The following MRTFB variants were observed in gnomAD, a reference collection of about 807,000 sequenced individuals.
MRTFB encodes the protein myocardin related transcription factor B, also known as myocardin-related transcription factor B.
In MRTFB, 29 loss-of-function variants were observed where a neutral mutation model predicts 104.2. The ratio of observed to expected loss-of-function variants is 0.28; its 90% CI spans 0.21 to 0.38. The LOEUF is 0.38. Among genes scored for constraint, MRTFB ranks in the 10% least tolerant of loss-of-function variants. MRTFB has a pLI of 1.00. For missense variants in MRTFB, 1,270 were observed against 1,341.6 expected (o/e 0.95, Z 0.83); for synonymous variants, 535 against 519.5 (o/e 1.03, Z -0.41).
chr16:14,161,970 A>G (rs944278120), intron 3 of MRTFB, among the ~76,000 whole-genome samples: 1 of 152,068 alleles, frequency 6.6e-6, no homozygotes, highest in African/African-American at 2.4e-5. Flanking sequence ...GGGTGTCAGA[A>G]TTACACTTCT....
chr16:14,201,707 T>C (rs957730758), intron 3 of MRTFB, among the ~76,000 whole-genome samples: 2 of 152,208 alleles, frequency 1.3e-5, no homozygotes, highest in Admixed American at 6.5e-5. Flanking sequence ...GACCTTGAGC[T>C]AATAGAGCTT....
intron 15 of MRTFB, among the ~76,000 whole-genome samples, chr16:14,253,148 A>G (rs975607440): frequency 7.9e-5 from 12 of 152,170 alleles, no homozygotes; most frequent in Admixed American, 1.3e-4. Flanking sequence ...TAGGGTTCCT[A>G]TTTGTAAAAG....
At chr16:14,137,501 C>A (rs2037780818) in intron 2 of MRTFB, among the ~76,000 whole-genome samples, 1 of 152,016 alleles carries the variant, frequency 6.6e-6, no homozygotes, top group South Asian at 2.1e-4. Flanking sequence ...GTACATCTTT[C>A]AATTATAAGG....
upstream of MRTFB, among the ~76,000 whole-genome samples, chr16:14,070,233 C>G (rs1423571781): frequency 6.6e-6 from 1 of 152,150 alleles, no homozygotes; most frequent in African/African-American, 2.4e-5. Flanking sequence ...GTGCTGGGCT[C>G]CGGACTCAGA....
chr16:14,010,082 G>A, the MRTFB span, among the ~76,000 whole-genome samples: 1 of 152,130 alleles, frequency 6.6e-6, no homozygotes, highest in Admixed American at 6.5e-5. Context: ...TGGGGAGAAG[G>A]TAGAACAGCA....
chr16:13,995,682 G>A, the MRTFB span, among the ~76,000 whole-genome samples: 14 of 152,258 alleles, frequency 9.2e-5, no homozygotes, highest in African/African-American at 3.1e-4. Context: ...GGAGGCCTCA[G>A]GAAACTTACA....
At chr16:14,068,058 C>A (rs2033540745), upstream of MRTFB, among the ~76,000 whole-genome samples, 1 of 152,144 alleles carries the variant, frequency 6.6e-6, no homozygotes, top group Admixed American at 6.5e-5. Context: ...TGTCGAACTT[C>A]TGTCCCCAGG....
At chr16:14,138,234 AATG>A (rs1480950075) in intron 2 of MRTFB, among the ~76,000 whole-genome samples, 8 of 152,106 alleles carry the variant, frequency 5.3e-5, no homozygotes, top group Non-Finnish European at 2.9e-5. Context: ...TTTTACTTTG[AATG>A]ATGATAATGT....
At chr16:14,069,819 A>C (rs987077186), upstream of MRTFB, among the ~76,000 whole-genome samples, 1 of 152,182 alleles carries the variant, frequency 6.6e-6, no homozygotes, top group African/African-American at 2.4e-5. Context: ...GTTTCTCTGG[A>C]GAACCCTAAT....
chr16:14,203,949 T>C (rs1347995028), intron 3 of MRTFB, among the ~76,000 whole-genome samples: 4 of 151,716 alleles, frequency 2.6e-5, no homozygotes, highest in Non-Finnish European at 5.9e-5. Context: ...ATTTTAAAGG[T>C]TTTGTTTTGT....
At chr16:14,013,936 C>T in the MRTFB span, among the ~76,000 whole-genome samples, 8 of 152,222 alleles carry the variant, frequency 5.3e-5, no homozygotes, top group African/African-American at 1.7e-4. Context: ...GCACCTCCCA[C>T]GCCTGAACAA....
the MRTFB span, among the ~76,000 whole-genome samples, chr16:14,043,288 T>C: frequency 6.6e-6 from 1 of 152,206 alleles, no homozygotes; most frequent in Non-Finnish European, 1.5e-5. Flanking sequence ...CCATTCTTTC[T>C]GCCAGAAGCA....
intron 2 of MRTFB, among the ~76,000 whole-genome samples, chr16:14,091,919 C>G (rs560686399): frequency 6.7e-6 from 1 of 149,620 alleles, no homozygotes; most frequent in Non-Finnish European, 1.5e-5. Flanking sequence ...TGCTTGAACC[C>G]GGGAGGCGGA....
rs555864897 is a variant in MRTFB at position 14,184,058 on chromosome 16, A to G, written c.155-26185A>G. Among the ~76,000 whole-genome samples the G allele has an allele frequency of 4.1e-4, 54 of 132,520 alleles. No homozygotes were observed. In the East Asian group the frequency reaches 0.012, roughly 28 times the overall value. 86.9% of individuals were successfully genotyped at this position (132,520 alleles called of 152,430 possible). A position where few individuals can be genotyped will look rare whatever the true frequency, so the allele number is the denominator to read the frequency against. On this transcript the variant is annotated intron_variant, in intron 3 of 16. Transcript: ENST00000571589. ...TGGGCATTTTTCAGGATTTAAAAGCAACATCCTGAAATTTAAAAAAAAAAA... is the reference window on the plus strand; with the variant it reads ...TGGGCATTTTTCAGGATTTAAAAGCGACATCCTGAAATTTAAAAAAAAAAA...
At chr16:14,096,626 G>A (rs906453031) in intron 2 of MRTFB, among the ~76,000 whole-genome samples, 2 of 152,032 alleles carry the variant, frequency 1.3e-5, no homozygotes, top group Non-Finnish European at 2.9e-5. Context: ...GGACCTTTGG[G>A]TTTTATTTGT....
intron 2 of MRTFB, among the ~76,000 whole-genome samples, chr16:14,131,943 G>A (rs989323139): frequency 2.6e-5 from 4 of 152,048 alleles, no homozygotes; most frequent in African/African-American, 9.7e-5. Context: ...ATACCCAAGA[G>A]AATGGAAAAA....
the MRTFB span, among the ~76,000 whole-genome samples, chr16:13,998,547 G>A: frequency 1.3e-5 from 2 of 151,986 alleles, no homozygotes; most frequent in African/African-American, 4.8e-5. Context: ...TCAGGAGGCC[G>A]AGGCAGAAGG....
intron 3 of MRTFB, among the ~76,000 whole-genome samples, chr16:14,155,575 CTTTGG>C (rs1252768298): frequency 6.6e-6 from 1 of 152,066 alleles, no homozygotes; most frequent in African/African-American, 2.4e-5. Context: ...GAAAGTTGGG[CTTTGG>C]TTTGGTAGGC....
the MRTFB span, among the ~76,000 whole-genome samples, chr16:14,036,296 T>TTATTTATATATATATATATATATATA: frequency 1.0e-5 from 1 of 98,352 alleles, no homozygotes; most frequent in Non-Finnish European, 2.0e-5. Context: ...TTATATATAT[T>TTATTTATATATATATATATATATATA]TATATATATA....
Sources: gnomAD v4.1 joint callset for allele counts (sites outside exome capture counted in the v4.1 genomes callset) on GRCh38, gnomAD v4.1.1 for gene constraint, MANE v1.5 for transcripts, NCBI Gene and HGNC (gene_info 2026-07-23, HGNC 2026-07-21) for gene names.